Variants in PCDHA4 observed in about 807,000 individuals in gnomAD.
The protein encoded by PCDHA4 is protocadherin alpha 4, also known as protocadherin alpha-4.
In PCDHA4, 49 loss-of-function variants were observed where a neutral mutation model predicts 61.4. That is an observed-to-expected ratio of 0.80 (90% CI 0.63 to 1.01). The LOEUF (loss-of-function observed/expected upper bound fraction) is 1.01. Ranked by LOEUF, PCDHA4 falls within the 50% of genes least tolerant of loss-of-function variation. The pLI, the probability that PCDHA4 is intolerant of heterozygous loss-of-function variation, is 0.00. For missense variants in PCDHA4, 1,254 were observed against 1,235.8 expected (o/e 1.01, Z -0.22); for synonymous variants, 590 against 550.3 (o/e 1.07, Z -1.01).
chr5:140,872,755 C>A (rs1415992998), intron 1 of PCDHA4, among the ~76,000 whole-genome samples: 2 of 152,118 alleles, frequency 1.3e-5, no homozygotes, highest in African/African-American at 4.8e-5. Flanking sequence ...TAAAGACATG[C>A]ATATAGGGCT....
Position 140,877,166 on chromosome 5 carries a change from TGCTGGCGACTCCG to T in PCDHA4, c.2385+67601_2385+67613del, listed in dbSNP as rs2056906844. The T allele has an allele frequency of 1.9e-6, 3 of 1,613,836 alleles. No individual in the cohort carries two copies. In the East Asian group the frequency reaches 6.7e-5, roughly 36 times the overall value. On this transcript the variant is annotated intron_variant, in intron 1 of 3. Coordinates refer to ENST00000530339, the MANE Select transcript of PCDHA4 (RefSeq NM_018907.4). The stretch of plus-strand genomic sequence containing the variant: ...GACGAGAACGACAACGCGCCGGCAC[TGCTGGCGACTCCG>T]GCTGGCAGCGCAGGAGGCGCAGTTA...
chr5:140,866,519 A>G (rs940195026), intron 1 of PCDHA4: 8 of 152,312 alleles, frequency 5.3e-5, no homozygotes, highest in African/African-American at 1.9e-4. Context: ...TGACTAAGCC[A>G]TGATAGAGCA....
intron 1 of PCDHA4, chr5:140,823,221 C>A (rs1328701255): frequency 1.2e-6 from 2 of 1,613,612 alleles, no homozygotes; most frequent in Non-Finnish European, 1.7e-6. Flanking sequence ...GGGACGCGGA[C>A]GCGCAGGAGA....
chr5:140,809,331 T>G lies in PCDHA4; in HGVS notation c.2144T>G (p.Leu715Arg), dbSNP rs1185037292. The change falls in exon 1 of 4, where the codon CTG (leucine) becomes CGG (arginine). Residue 715 changes from leucine (L) to arginine (R), a missense_variant. By Grantham distance (102) the Leu-to-Arg change is moderately radical (BLOSUM62 -2). Coordinates refer to ENST00000530339, the MANE Select transcript of PCDHA4 (RefSeq NM_018907.4). ...CAVSSLLVLT[L>R]LLYTALRCSA... Reference sequence around the variant, plus strand: ...GTGTCCAGCCTTTTGGTGCTCACGCTGCTGCTGTACACCGCGCTGCGGTGC... The same window carrying G: ...GTGTCCAGCCTTTTGGTGCTCACGCGGCTGCTGTACACCGCGCTGCGGTGC... The G allele has an allele frequency of 6.2e-7, 1 of 1,614,088 alleles. No individual in the cohort carries two copies. The highest frequency in any genetic ancestry group is 1.7e-5 in the Admixed American group (1 of 60,032).
rs782357436 is a variant in PCDHA4, at chr5:140,876,751, G to T, written c.2385+67179G>T. On this transcript the variant is annotated intron_variant, in intron 1 of 3. Transcript: ENST00000530339. ...GTCGGCCTATGAGCTGGTGGTGACTGCGCGGGATGGGGGCTCGCCTTCGCT... is the reference window on the plus strand; with the variant it reads ...GTCGGCCTATGAGCTGGTGGTGACTTCGCGGGATGGGGGCTCGCCTTCGCT... 2.5e-6 allele frequency: 4 copies of T among 1,614,258 alleles called. No individual in the cohort carries two copies. The Admixed American group carries it at 6.7e-5, about 27-fold the overall frequency.
intron 1 of PCDHA4, chr5:140,815,363 A>G (rs1247276822): frequency 6.6e-6 from 1 of 151,708 alleles, no homozygotes; most frequent in Non-Finnish European, 1.5e-5. Flanking sequence ...TTCCATAGGT[A>G]TTTTCTTTGT....
chr5:140,958,546 C>A (rs1366018855), intron 1 of PCDHA4, among the ~76,000 whole-genome samples: 3 of 152,034 alleles, frequency 2.0e-5, no homozygotes, highest in Non-Finnish European at 4.4e-5. Context: ...ATTTATGAAC[C>A]AATAAATGTT....
chr5:140,901,146 C>T (rs1463079898), intron 1 of PCDHA4, among the ~76,000 whole-genome samples: 1 of 152,062 alleles, frequency 6.6e-6, no homozygotes, highest in Admixed American at 6.6e-5. Context: ...AATATTTTCT[C>T]TCAATCTGTG....
chr5:140,970,471 G>T (rs773565871), intron 1 of PCDHA4, among the ~76,000 whole-genome samples: 1 of 152,142 alleles, frequency 6.6e-6, no homozygotes, highest in African/African-American at 2.4e-5. Context: ...TAGGTATAAG[G>T]CCAGCTTGTT....
intron 3 of PCDHA4, among the ~76,000 whole-genome samples, chr5:141,000,634 G>A (rs1554257716): frequency 6.6e-6 from 1 of 150,928 alleles, no homozygotes; most frequent in Non-Finnish European, 1.5e-5. Context: ...CACCATGTTG[G>A]GCAGGCTGGT....
chr5:140,842,394 C>T (rs2150335201), intron 1 of PCDHA4: 6 of 1,611,212 alleles, frequency 3.7e-6, no homozygotes, highest in Admixed American at 3.3e-5. Flanking sequence ...TTATCCTTGC[C>T]TGTACGTGAA....
intron 1 of PCDHA4, among the ~76,000 whole-genome samples, chr5:140,832,941 C>G (rs1455354845): frequency 1.3e-5 from 2 of 152,044 alleles, no homozygotes; most frequent in Non-Finnish European, 2.9e-5. Flanking sequence ...AAGAGAGTAA[C>G]TTAAGTGAGT....
At chr5:140,906,092 A>G (rs985090106) in intron 1 of PCDHA4, among the ~76,000 whole-genome samples, 2 of 152,140 alleles carry the variant, frequency 1.3e-5, no homozygotes, top group Non-Finnish European at 2.9e-5. Context: ...GACTGAGAGT[A>G]AGTGTGTCTT....
At chr5:140,902,199 CTT>C (rs1290062929) in intron 1 of PCDHA4, among the ~76,000 whole-genome samples, 2 of 139,232 alleles carry the variant, frequency 1.4e-5, no homozygotes, top group Admixed American at 7.2e-5. Flanking sequence ...CTCTCTCTCT[CTT>C]TCTTTTTTTT....
intron 1 of PCDHA4, chr5:140,882,928 C>T: frequency 6.2e-7 from 1 of 1,614,140 alleles, no homozygotes; most frequent in Non-Finnish European, 8.5e-7. Context: ...GAGGTAAACC[C>T]GAGCTGACTG....
At chr5:140,897,560 T>C (rs1398247980) in intron 1 of PCDHA4, among the ~76,000 whole-genome samples, 1 of 152,200 alleles carries the variant, frequency 6.6e-6, no homozygotes, top group Non-Finnish European at 1.5e-5. Flanking sequence ...GGTGTATATG[T>C]GCCACATTTT....
rs2150458780 is a variant in PCDHA4 at position 140,849,941 on chromosome 5, T to C, written c.2385+40369T>C. 24 of 1,597,306 alleles carry C rather than the reference T, an allele frequency of 1.5e-5. 4 individuals are homozygous for C. In the Middle Eastern group the frequency reaches 5.4e-4, roughly 36 times the overall value. On this transcript the variant is annotated intron_variant, in intron 1 of 3. Transcript: ENST00000530339. ...TCTTCACGGTGTCTGCGCGGGACGC[T>C]GACGCGCAGGAGAACGCCCTGGTGT...
At chr5:140,915,814 A>G (rs2077313905) in intron 1 of PCDHA4, among the ~76,000 whole-genome samples, 1 of 152,102 alleles carries the variant, frequency 6.6e-6, no homozygotes, top group African/African-American at 2.4e-5. Flanking sequence ...TGTTCACTCA[A>G]GGCCCTAGGG....
intron 3 of PCDHA4, 57 bp downstream of exon 3, chr5:140,982,620 C>T: frequency 2.5e-6 from 4 of 1,588,470 alleles, no homozygotes. Flanking sequence ...ATCAGATGAC[C>T]TACTTTTGTA....
Sources: allele counts gnomAD v4.1 joint callset (sites outside exome capture counted in the v4.1 genomes callset), GRCh38; gene constraint gnomAD v4.1.1; transcripts MANE v1.5; gene names NCBI Gene and HGNC (gene_info 2026-07-23, HGNC 2026-07-21).